Variants in CTBP2 observed in about 807,000 individuals in gnomAD.
The protein encoded by CTBP2 is C-terminal binding protein 2.
Under a neutral mutation model 80.3 loss-of-function variants are expected in CTBP2, and 30 were observed. The ratio of observed to expected loss-of-function variants is 0.37; its 90% CI spans 0.28 to 0.51. CTBP2 has a LOEUF of 0.51. Among genes scored for constraint, CTBP2 ranks in the 20% least tolerant of loss-of-function variants. The pLI is 0.93. For missense variants in CTBP2, 1,212 were observed against 1,375.3 expected (o/e 0.88, Z 1.88); for synonymous variants, 594 against 587.4 (o/e 1.01, Z -0.16).
chr10:125,065,022 G>A (rs1422613416), intron 2 of CTBP2, among the ~76,000 whole-genome samples: 1 of 152,212 alleles, frequency 6.6e-6, no homozygotes, highest in African/African-American at 2.4e-5. Context: ...AACCACAACT[G>A]TTTCACACAG....
intron 2 of CTBP2, among the ~76,000 whole-genome samples, chr10:125,091,128 CACTTAGG>C (rs1178316037): frequency 6.6e-6 from 1 of 152,162 alleles, no homozygotes; most frequent in Admixed American, 6.5e-5. Context: ...GTACAGATTC[CACTTAGG>C]TAAAATCCTG....
intron 1 of CTBP2, among the ~76,000 whole-genome samples, chr10:125,010,779 A>G (rs1025542532): frequency 4.6e-5 from 7 of 152,228 alleles, no homozygotes; most frequent in Non-Finnish European, 8.8e-5. Flanking sequence ...GGGAATTTAA[A>G]GCATGAAGCA....
Position 124,986,605 on chromosome 10 carries a change from T to C in CTBP2, c.*2913A>G, listed in dbSNP as rs963068900. On this transcript the variant is annotated 3_prime_UTR_variant, in exon 9 of 9. Coordinates refer to ENST00000309035, the MANE Select transcript of CTBP2 (RefSeq NM_022802.3). ...ATTCTGTAGAAATGAATCTTTGATA[T>C]AATGTAAATGCTGCTGTTTGTTTCA... 1.3e-5 allele frequency: 2 copies of C among 152,196 alleles called. No individual in the cohort carries two copies. The highest frequency in any genetic ancestry group is 4.8e-5 in the African/African-American group (2 of 41,446). 9.4% of individuals were successfully genotyped at this position (152,196 alleles called of 1,614,324 possible). A position where few individuals can be genotyped will look rare whatever the true frequency, so the allele number is the denominator to read the frequency against.
intron 1 of CTBP2, chr10:125,005,938 A>G (rs1955186128): frequency 4.0e-6 from 6 of 1,500,774 alleles, no homozygotes; most frequent in Non-Finnish European, 5.3e-6. Context: ...GTAGCCACAC[A>G]GGAAAACCAC....
intron 1 of CTBP2, among the ~76,000 whole-genome samples, chr10:125,157,981 A>C (rs140250441): frequency 4.6e-5 from 7 of 152,328 alleles, no homozygotes; most frequent in African/African-American, 1.7e-4. Flanking sequence ...TCTACGATAC[A>C]GTCTCTGCTA....
chr10:125,069,004 G>A (rs901220623), intron 2 of CTBP2, among the ~76,000 whole-genome samples: 1 of 152,132 alleles, frequency 6.6e-6, no homozygotes, highest in Non-Finnish European at 1.5e-5. Flanking sequence ...AGGGAGATCA[G>A]CTACAGGAAC....
chr10:125,065,522 G>A (rs1324303344), intron 2 of CTBP2, among the ~76,000 whole-genome samples: 1 of 152,146 alleles, frequency 6.6e-6, no homozygotes. Flanking sequence ...GCTAACAAAT[G>A]CCAGTATCAG....
chr10:125,155,212 C>T (rs1008430093), intron 1 of CTBP2, among the ~76,000 whole-genome samples: 1 of 152,208 alleles, frequency 6.6e-6, no homozygotes, highest in Admixed American at 6.5e-5. Flanking sequence ...GCCAAATCTC[C>T]ATGCCCGGCA....
intron 8 of CTBP2, among the ~76,000 whole-genome samples, chr10:124,990,047 T>G (rs1400851115): frequency 2.0e-5 from 3 of 150,806 alleles, no homozygotes; most frequent in Non-Finnish European, 4.4e-5. Context: ...TAATAGTTTT[T>G]TTTTTTTTTT....
rs768469696 is a variant in CTBP2 at position 124,998,021 on chromosome 10, C to T, written c.2128G>A (p.Glu710Lys). The stretch of plus-strand genomic sequence containing the variant: ...ATGCGGGCCGCTCCCGAGGCCACCT[C>T]GCGGATCTGCTCCACGCTCTGAACC... Residue 710 changes from glutamate to lysine, a missense_variant, in exon 4 of 9, where the codon GAG becomes AAG. Transcript: ENST00000309035. 2.5e-6 allele frequency: 4 copies of T among 1,613,246 alleles called. No individual in the cohort carries two copies. Among genetic ancestry groups the T allele is most frequent in the Non-Finnish European group, 2.5e-6 (3 of 1,179,998 alleles).
At position 125,027,530 on chromosome 10, in the gene CTBP2, T is replaced by C. The variant is rs933657989; in HGVS notation, c.230A>G (p.Asn77Ser). 9 of 1,613,926 alleles carry C rather than the reference T, an allele frequency of 5.6e-6. No homozygotes were observed. The highest frequency in any genetic ancestry group is 6.8e-6 in the Non-Finnish European group (8 of 1,180,012). The change falls in exon 1 of 9, where the codon AAC (asparagine) becomes AGC (serine). Residue 77 changes from asparagine to serine, a missense_variant. Physicochemically the swap from Asn to Ser is conservative, Grantham distance 46. Coordinates refer to ENST00000309035, the MANE Select transcript of CTBP2 (RefSeq NM_022802.3). ...AGACCCCTTTCTTGCAGCCACTGAGTTATAAACGGCCTCCCGGTACAGGTA... is the reference window on the plus strand; with the variant it reads ...AGACCCCTTTCTTGCAGCCACTGAGCTATAAACGGCCTCCCGGTACAGGTA...
At chr10:125,043,226 C>T (rs1050904064) in intron 2 of CTBP2, among the ~76,000 whole-genome samples, 1 of 152,134 alleles carries the variant, frequency 6.6e-6, no homozygotes, top group African/African-American at 2.4e-5. Flanking sequence ...CTATCAAACT[C>T]CAACATATCC....
At chr10:125,151,913 G>A (rs1254365260) in intron 1 of CTBP2, among the ~76,000 whole-genome samples, 1 of 152,202 alleles carries the variant, frequency 6.6e-6, no homozygotes, top group Non-Finnish European at 1.5e-5. Flanking sequence ...AAGTGGGCAC[G>A]GAGCGGGGGG....
chr10:125,128,212 TACCATGTG>T (rs1306679377), intron 1 of CTBP2, among the ~76,000 whole-genome samples: 1 of 152,178 alleles, frequency 6.6e-6, no homozygotes, highest in Non-Finnish European at 1.5e-5. Context: ...CAGCATGTGC[TACCATGTG>T]ACCATCAGTA....
Position 125,066,450 on chromosome 10 carries a change from G to A in CTBP2, c.-101-27295C>T, listed in dbSNP as rs1016463861. Among the ~76,000 whole-genome samples the A allele has an allele frequency of 6.6e-6, 1 of 152,202 alleles. No individual in the cohort carries two copies. Among genetic ancestry groups the A allele is most frequent in the African/African-American group, 2.4e-5 (1 of 41,454 alleles). On this transcript the variant is annotated intron_variant, in intron 2 of 10. Transcript: ENST00000337195. The surrounding 1 kb of genome is among the most constrained non-coding windows in gnomAD (Gnocchi z 4.1). ...CAGGAACGGAAGGCAAGCAGGGTGC[G>A]CAGATGTAACGGGGGAAGCAGGCAC...
intron 4 of CTBP2, among the ~76,000 whole-genome samples, 166 bp from the exon 7 acceptor site, chr10:124,994,849 G>A (rs868327013): frequency 6.6e-5 from 10 of 152,266 alleles, no homozygotes; most frequent in African/African-American, 2.2e-4. Flanking sequence ...AGCACTGCCC[G>A]CGAGGGGCCA....
chr10:125,127,243 C>CACTG (rs1362409787), intron 1 of CTBP2, among the ~76,000 whole-genome samples: 2 of 152,154 alleles, frequency 1.3e-5, no homozygotes, highest in Non-Finnish European at 2.9e-5. Context: ...CACCCGCAAC[C>CACTG]ACTGACATCA....
intron 2 of CTBP2, among the ~76,000 whole-genome samples, chr10:125,050,065 C>T (rs1262277801): frequency 1.3e-5 from 2 of 151,772 alleles, no homozygotes; most frequent in Non-Finnish European, 2.9e-5. Context: ...TAAGGCATCA[C>T]TCATCATGCA....
intron 2 of CTBP2, among the ~76,000 whole-genome samples, chr10:125,087,122 T>C (rs148564677): frequency 0.07 from 10,491 of 150,552 alleles, 501 homozygotes; most frequent in Middle Eastern, 0.14. Flanking sequence ...TCACCCAGGC[T>C]AGAGTGCAGT....
Sources: allele counts gnomAD v4.1 joint callset (sites outside exome capture counted in the v4.1 genomes callset), GRCh38; gene constraint gnomAD v4.1.1; non-coding constraint Gnocchi (gnomAD v3.1); transcripts MANE v1.5; gene names NCBI Gene and HGNC (gene_info 2026-07-23, HGNC 2026-07-21).